The following PLPP4 variants were observed in gnomAD, a reference collection of about 807,000 sequenced individuals.
PLPP4 encodes diacylglycerol pyrophosphate like 2.
In PLPP4, 20 loss-of-function variants were observed where a neutral mutation model predicts 32.2. The ratio of observed to expected loss-of-function variants is 0.62; its 90% confidence interval spans 0.44 to 0.90. PLPP4 has a LOEUF of 0.90. Among genes scored for constraint, PLPP4 ranks in the 40% least tolerant of loss-of-function variants. PLPP4 has a pLI of 0.00. For synonymous variants in PLPP4, 127 were observed against 133.0 expected (o/e 0.95, Z 0.31); for missense variants, 257 against 353.1 (o/e 0.73, Z 2.18).
At chr10:120,581,868 A>T (rs890502569) in intron 6 of PLPP4, among the ~76,000 whole-genome samples, 2 of 152,170 alleles carry the variant, frequency 1.3e-5, no homozygotes, top group Admixed American at 6.5e-5. Context: ...TGTATTGATT[A>T]TTATCTGTCT....
intron 5 of PLPP4, among the ~76,000 whole-genome samples, chr10:120,554,409 C>T (rs914746555): frequency 2.6e-5 from 4 of 151,884 alleles, no homozygotes; most frequent in South Asian, 4.2e-4. Flanking sequence ...TAACAAGTCT[C>T]TAGGAAGTTC....
At chr10:120,461,927 A>G (rs1848068914) in intron 1 of PLPP4, among the ~76,000 whole-genome samples, 1 of 152,218 alleles carries the variant, frequency 6.6e-6, no homozygotes, top group Non-Finnish European at 1.5e-5. Context: ...GGTCCAGGTG[A>G]CTTGCTTGAG....
chr10:120,463,282 T>C (rs940229398), intron 1 of PLPP4, among the ~76,000 whole-genome samples: 3 of 152,152 alleles, frequency 2.0e-5, no homozygotes, highest in African/African-American at 2.4e-5. Flanking sequence ...CACCTTGGCC[T>C]CCCAAAGTGC....
intron 1 of PLPP4, among the ~76,000 whole-genome samples, chr10:120,476,577 T>A (rs987201951): frequency 3.9e-5 from 6 of 152,120 alleles, no homozygotes; most frequent in African/African-American, 1.2e-4. Context: ...TGATACTTTG[T>A]CCCCAGCTTC....
At chr10:120,504,905 T>C (rs1845424793) in intron 2 of PLPP4, among the ~76,000 whole-genome samples, 1 of 152,256 alleles carries the variant, frequency 6.6e-6, no homozygotes, top group Non-Finnish European at 1.5e-5. Flanking sequence ...GAGTGTCTTG[T>C]GTCTCTCTCC....
chr10:120,558,411 CTTTT>C (rs35962206), intron 5 of PLPP4, among the ~76,000 whole-genome samples: 1 of 135,990 alleles, frequency 7.4e-6, no homozygotes, highest in Non-Finnish European at 1.6e-5. Flanking sequence ...TTCTTTCTTT[CTTTT>C]TTTTTTTTTT....
intron 5 of PLPP4, among the ~76,000 whole-genome samples, chr10:120,534,237 T>A (rs1392386101): frequency 6.6e-6 from 1 of 152,246 alleles, no homozygotes; most frequent in East Asian, 1.9e-4. Context: ...TTTGTCTTGA[T>A]TGACTTTTTT....
chr10:120,537,081 A>G (rs1344652601), intron 5 of PLPP4, among the ~76,000 whole-genome samples: 1 of 152,192 alleles, frequency 6.6e-6, no homozygotes, highest in Non-Finnish European at 1.5e-5. Flanking sequence ...ACCCTTGTAC[A>G]CTGTTGGTGG....
intron 1 of PLPP4, among the ~76,000 whole-genome samples, chr10:120,469,618 T>TA (rs940349488): frequency 1.3e-5 from 2 of 152,228 alleles, no homozygotes; most frequent in African/African-American, 2.4e-5. Context: ...TCTCCTCACT[T>TA]ACATTTATTT....
At chr10:120,463,097 G>A (rs1402028201) in intron 1 of PLPP4, among the ~76,000 whole-genome samples, 3 of 143,892 alleles carry the variant, frequency 2.1e-5, no homozygotes, top group East Asian at 4.2e-4. Context: ...GTGCGATCTC[G>A]GCTCACTGCA....
intron 2 of PLPP4, among the ~76,000 whole-genome samples, chr10:120,511,920 A>G (rs1288266832): frequency 3.3e-5 from 5 of 152,068 alleles, no homozygotes; most frequent in African/African-American, 9.7e-5. Context: ...GTGAAACCCC[A>G]TCTCTACTAA....
At chr10:120,526,091 C>T (rs1846375841) in intron 5 of PLPP4, among the ~76,000 whole-genome samples, 1 of 151,972 alleles carries the variant, frequency 6.6e-6, no homozygotes, top group Admixed American at 6.6e-5. Context: ...CTTTTTTGTT[C>T]ATCCATCAGG....
At position 120,586,228 on chromosome 10, in the gene PLPP4, G is replaced by A. The variant is rs143452467; in HGVS notation, c.617-3075G>A. ...TGGCTCACTGCAACCTCCACCTCCC[G>A]GGTTCAAGCAATTCTCCTTCCTCAG... On this transcript the variant is annotated intron_variant, in intron 6 of 6. Coordinates refer to ENST00000398250, the MANE Select transcript of PLPP4 (RefSeq NM_001030059.3). 4.9e-3 allele frequency among the ~76,000 whole-genome samples: 747 copies of A among 151,066 alleles called. 5 individuals are homozygous for A. Among genetic ancestry groups the A allele is most frequent in the South Asian group, 0.016 (75 of 4,766 alleles).
intron 5 of PLPP4, among the ~76,000 whole-genome samples, chr10:120,573,066 AAAC>A (rs1849018595): frequency 6.6e-6 from 1 of 152,204 alleles, no homozygotes; most frequent in Non-Finnish European, 1.5e-5. Flanking sequence ...GGAGGAGAAA[AAAC>A]AACAACAAAA....
At chr10:120,584,238 A>G (rs1013039276) in intron 6 of PLPP4, among the ~76,000 whole-genome samples, 45 of 152,160 alleles carry the variant, frequency 3.0e-4, no homozygotes, top group African/African-American at 1.1e-3. Context: ...CCTGAGGGTC[A>G]TGTCCTCAGC....
intron 5 of PLPP4, among the ~76,000 whole-genome samples, chr10:120,534,839 A>G (rs186172081): frequency 2.0e-5 from 3 of 152,226 alleles, no homozygotes; most frequent in African/African-American, 4.8e-5. Context: ...TTGATGAGAC[A>G]TTGTCATCAT....
At chr10:120,580,063 C>A (rs1160695721) in intron 6 of PLPP4, among the ~76,000 whole-genome samples, 1 of 139,398 alleles carries the variant, frequency 7.2e-6, no homozygotes, top group African/African-American at 2.7e-5. Context: ...GAGCTTGCAG[C>A]GAGCCGAGAT....
At chr10:120,507,703 G>T (rs555695667) in intron 2 of PLPP4, among the ~76,000 whole-genome samples, 2 of 152,298 alleles carry the variant, frequency 1.3e-5, no homozygotes, top group Admixed American at 1.3e-4. Flanking sequence ...GAGTGAGCCT[G>T]TGTGGGTCCT....
rs963503170 is a variant in PLPP4, at chr10:120,526,932, C to G, written c.445+5837C>G. ...TCTGCAGGTGTGTAGATTGAGCTGTCTTCAGCTCTGCAAGTCAGTATCTAC... is the reference window on the plus strand; with the variant it reads ...TCTGCAGGTGTGTAGATTGAGCTGTGTTCAGCTCTGCAAGTCAGTATCTAC... On this transcript the variant is annotated intron_variant, in intron 5 of 6. Coordinates refer to ENST00000398250, the MANE Select transcript of PLPP4 (RefSeq NM_001030059.3). 8.0e-5 allele frequency among the ~76,000 whole-genome samples: 12 copies of G among 149,360 alleles called. No homozygotes were observed. In the East Asian group the frequency reaches 2.4e-3, roughly 30 times the overall value.
Sources: allele counts gnomAD v4.1 joint callset (sites outside exome capture counted in the v4.1 genomes callset), GRCh38; gene constraint gnomAD v4.1.1; transcripts MANE v1.5; gene names NCBI Gene and HGNC (gene_info 2026-07-23, HGNC 2026-07-21).